GRAMD2A: variants seen among roughly 807,000 people sequenced by gnomAD.
GRAMD2A encodes GRAM domain-containing protein 2A.
Under a neutral mutation model 51.1 loss-of-function variants are expected in GRAMD2A, and 37 were observed. That is an observed-to-expected ratio of 0.72 (90% confidence interval 0.56 to 0.95). The LOEUF (loss-of-function observed/expected upper bound fraction) is 0.95. GRAMD2A is among the 40% of genes least tolerant of loss of function. The probability of loss-of-function intolerance (pLI) is 0.00; values close to 1 mark genes in which losing one functional copy is unlikely to be tolerated. For synonymous variants in GRAMD2A, 136 were observed against 157.1 expected (o/e 0.87, Z 1.01); for missense variants, 414 against 426.9 (o/e 0.97, Z 0.27).
chr15:72,189,301 C>T (rs778006735), intron 1 of GRAMD2A, among the ~76,000 whole-genome samples: 5 of 152,182 alleles, frequency 3.3e-5, no homozygotes, highest in Non-Finnish European at 4.4e-5. Context: ...TTTGCCAAAT[C>T]TACATGTGAT....
intron 1 of GRAMD2A, among the ~76,000 whole-genome samples, chr15:72,193,635 G>A (rs1360923542): frequency 6.6e-6 from 1 of 152,018 alleles, no homozygotes; most frequent in Non-Finnish European, 1.5e-5. Context: ...CCAGTCTCCT[G>A]CCACAGCCTC....
rs572291735 is a variant in GRAMD2A, at chr15:72,181,546, G to A, written c.42-11607C>T. ...AGCAGAGAGATGATGTCTTGGACTG[G>A]GTGGCAGTGGTGATGGAGGGCCAGG... On this transcript the variant is annotated intron_variant, in intron 1 of 11. Transcript: ENST00000309731. Among the ~76,000 whole-genome samples the A allele has an allele frequency of 1.9e-3, 294 of 152,212 alleles. 1 individual carries two copies. Among genetic ancestry groups the A allele is most frequent in the Non-Finnish European group, 3.8e-3 (260 of 68,040 alleles).
intron 5 of GRAMD2A, 80 bp from the exon 6 acceptor site, chr15:72,167,172 G>A: frequency 9.4e-7 from 1 of 1,060,144 alleles, no homozygotes; most frequent in South Asian, 1.3e-5. Flanking sequence ...GGACCCAGCT[G>A]TGAGCCCAGC....
rs2081595221 is a variant in GRAMD2A at position 72,170,174 on chromosome 15, T to C, written c.42-235A>G. The C allele has an allele frequency of 1.6e-6, 1 of 641,456 alleles. No individual in the cohort carries two copies. The highest frequency in any genetic ancestry group is 1.8e-5 in the African/African-American group (1 of 55,864). The allele number at this position is 641,456 out of a possible 1,614,324, so 39.7% of individuals were successfully genotyped here. On this transcript the variant is annotated intron_variant, in intron 1 of 11. Coordinates refer to ENST00000309731, the MANE Select transcript of GRAMD2A (RefSeq NM_001012642.3). This position sits in a 1 kb window ranked among gnomAD's most constrained non-coding sequence, Gnocchi z 4.5. ...CTTTCCCGAAAGCCAGAAGTTCTGC[T>C]TATGCCTAGGCTGGGAGGAAAATCA... is the stretch of plus-strand genomic sequence containing the variant.
chr15:72,192,020 AT>A (rs1472449923), intron 1 of GRAMD2A, among the ~76,000 whole-genome samples: 3 of 152,208 alleles, frequency 2.0e-5, no homozygotes, highest in African/African-American at 7.2e-5. Flanking sequence ...AGTTACTGCC[AT>A]TTTTTAGATG....
chr15:72,168,731 C>G (rs1036377328), intron 3 of GRAMD2A, among the ~76,000 whole-genome samples, 165 bp from the exon 4 acceptor site: 14 of 152,244 alleles, frequency 9.2e-5, no homozygotes, highest in Non-Finnish European at 1.8e-4. Flanking sequence ...GTGCCAAGCA[C>G]AGCTTGTCTC....
chr15:72,169,605 C>T (rs766552782), intron 2 of GRAMD2A: 1 of 684,740 alleles, frequency 1.5e-6, no homozygotes, highest in South Asian at 1.5e-5. Flanking sequence ...CAGGTTGGCC[C>T]AGAGCACAGG....
intron 8 of GRAMD2A, 61 bp from the exon 9 acceptor site, chr15:72,163,818 A>C (rs1355846280): frequency 1.3e-6 from 2 of 1,541,730 alleles, no homozygotes; most frequent in Non-Finnish European, 1.7e-6. Flanking sequence ...TGCCCTAAGG[A>C]GCCCACACCA....
intron 1 of GRAMD2A, among the ~76,000 whole-genome samples, chr15:72,187,646 G>A (rs1240749275): frequency 6.6e-6 from 1 of 152,066 alleles, no homozygotes; most frequent in Admixed American, 6.6e-5. Context: ...CAAAGTAGCT[G>A]GGACTGCAGG....
At chr15:72,173,060 A>G (rs186591327) in intron 1 of GRAMD2A, among the ~76,000 whole-genome samples, 1 of 152,238 alleles carries the variant, frequency 6.6e-6, no homozygotes, top group East Asian at 1.9e-4. Flanking sequence ...TGAGGGATAG[A>G]ACGGGATGAC....
rs1596685588 is a variant in GRAMD2A, at chr15:72,170,813, G to C, written c.42-874C>G. Among the ~76,000 whole-genome samples, 1 of 152,324 alleles carries C rather than the reference G, an allele frequency of 6.6e-6. No homozygotes were observed. The highest frequency in any genetic ancestry group is 2.4e-5 in the African/African-American group (1 of 41,558). On this transcript the variant is annotated intron_variant, in intron 1 of 11. Coordinates refer to ENST00000309731, the MANE Select transcript of GRAMD2A (RefSeq NM_001012642.3). The surrounding 1 kb of genome is among the most constrained non-coding windows in gnomAD (Gnocchi z 4.5). ...CGTGCTGGGGCAGTGTGGTGGTCAGGAACAGGTAACAAGGTCACGTGCAGT... is the reference window on the plus strand; with the variant it reads ...CGTGCTGGGGCAGTGTGGTGGTCAGCAACAGGTAACAAGGTCACGTGCAGT...
chr15:72,168,828 T>C (rs1268431746), intron 3 of GRAMD2A, 111 bp downstream of exon 3: 2 of 972,982 alleles, frequency 2.1e-6, no homozygotes, highest in Admixed American at 3.5e-5. Flanking sequence ...CACTCAGGTC[T>C]CCTGATTTCC....
chr15:72,162,506 G>T, intron 10 of GRAMD2A, 129 bp from the exon 11 acceptor site: 1 of 631,008 alleles, frequency 1.6e-6, no homozygotes, highest in Non-Finnish European at 2.8e-6. Flanking sequence ...TTGTCCTGCA[G>T]CCAGTTCAGG....
intron 1 of GRAMD2A, among the ~76,000 whole-genome samples, chr15:72,193,310 G>T (rs1364033250): frequency 6.7e-6 from 1 of 149,546 alleles, no homozygotes; most frequent in Non-Finnish European, 1.5e-5. Context: ...TCTGCCTCCC[G>T]GGTTCAAGCG....
intron 1 of GRAMD2A, among the ~76,000 whole-genome samples, chr15:72,184,445 C>T (rs1223824252): frequency 6.6e-6 from 1 of 152,220 alleles, no homozygotes; most frequent in Non-Finnish European, 1.5e-5. Flanking sequence ...CCAGGAGTGC[C>T]GCAGCCGTGC....
chr15:72,163,149 T>A, intron 10 of GRAMD2A, 117 bp downstream of exon 10: 1 of 685,052 alleles, frequency 1.5e-6, no homozygotes, highest in Non-Finnish European at 2.5e-6. Context: ...GAGCTTGAAT[T>A]TGACTCAGAA....
intron 1 of GRAMD2A, among the ~76,000 whole-genome samples, chr15:72,186,783 T>C (rs2081737126): frequency 6.6e-6 from 1 of 151,978 alleles, no homozygotes; most frequent in Non-Finnish European, 1.5e-5. Flanking sequence ...ATGCAATTGA[T>C]AAAAAAGAGT....
intron 1 of GRAMD2A, among the ~76,000 whole-genome samples, chr15:72,182,308 T>C (rs1229508113): frequency 2.9e-5 from 4 of 137,638 alleles, no homozygotes; most frequent in Non-Finnish European, 6.0e-5. Context: ...GAGGTTGCAG[T>C]GAGCCAAGAT....
chr15:72,197,645 A>C, intron 1 of GRAMD2A, 86 bp downstream of exon 1: 1 of 1,088,606 alleles, frequency 9.2e-7, no homozygotes, highest in Non-Finnish European at 1.2e-6. Context: ...CCGCGGCCCC[A>C]GGAGCCGTCC....
Sources: gnomAD v4.1 joint callset for allele counts (sites outside exome capture counted in the v4.1 genomes callset) on GRCh38, gnomAD v4.1.1 for gene constraint, Gnocchi (gnomAD v3.1) non-coding constraint, MANE v1.5 for transcripts, NCBI Gene and HGNC (gene_info 2026-07-23, HGNC 2026-07-21) for gene names.